Variants in CACNA1C observed in about 807,000 individuals in gnomAD.
CACNA1C encodes the protein voltage-dependent L-type calcium channel subunit alpha-1C.
A neutral mutation model predicts 229.0 loss-of-function variants in CACNA1C; 30 were observed. The observed-to-expected ratio is 0.13, with a 90% confidence interval of 0.10 to 0.18. CACNA1C has a LOEUF of 0.18. CACNA1C is among the 10% of genes least tolerant of loss of function. CACNA1C has a pLI of 1.00. For synonymous variants in CACNA1C, 1,114 were observed against 1,132.5 expected (o/e 0.98, Z 0.33); for missense variants, 1,658 against 2,845.0 (o/e 0.58, Z 9.49).
At position 2,364,088 on chromosome 12, in the gene CACNA1C, CAGACCAGCCCCA is replaced by C. The variant is rs574487287; in HGVS notation, c.478-84885_478-84874del. On this transcript the variant is annotated intron_variant, in intron 3 of 46. Transcript: ENST00000399655. ...AACTCATCAGTCAGCATCCCAGCCC[CAGACCAGCCCCA>C]AGGTCCACTGCATCTGATGTGAGTC... Among the ~76,000 whole-genome samples the C allele has an allele frequency of 7.0e-3, 1,065 of 152,330 alleles. 6 individuals carry two copies. The highest frequency in any genetic ancestry group is 0.012 in the South Asian group (56 of 4,822).
chr12:2,554,006 C>A (rs2042733493), intron 10 of CACNA1C, among the ~76,000 whole-genome samples: 1 of 152,096 alleles, frequency 6.6e-6, no homozygotes, highest in Non-Finnish European at 1.5e-5. Flanking sequence ...GACTGCAGTG[C>A]CATCTGACTT....
At chr12:2,627,182 A>T (rs1449946167) in intron 29 of CACNA1C, among the ~76,000 whole-genome samples, 3 of 152,078 alleles carry the variant, frequency 2.0e-5, no homozygotes, top group Admixed American at 1.3e-4. Flanking sequence ...CTGAATTAAC[A>T]CATCACAGGA....
chr12:2,107,155 G>T (rs1256435843), intron 1 of CACNA1C, among the ~76,000 whole-genome samples: 1 of 147,048 alleles, frequency 6.8e-6, no homozygotes, highest in East Asian at 2.1e-4. Context: ...CTCAGCTGGG[G>T]TGTCCTGAAG....
In CACNA1C at chr12:2,177,587, C is replaced by CCCTCCTTCCTTCCTT. The variant is rs750852324; in HGVS notation, c.477+57160_477+57161insCCTTCCTTCCTTCCT. Among the ~76,000 whole-genome samples, 13 of 78,524 alleles carry CCCTCCTTCCTTCCTT rather than the reference C, an allele frequency of 1.7e-4. 2 individuals carry two copies. In the East Asian group the frequency reaches 4.0e-3, roughly 24 times the overall value. The allele number at this position is 78,524 out of a possible 152,430, so 51.5% of individuals were successfully genotyped here. A position where few individuals can be genotyped will look rare whatever the true frequency, so the allele number is the denominator to read the frequency against. ...TCCCTCCCTCCCTCCCTCCCTCCCT[C>CCCTCCTTCCTTCCTT]CCTTCCTTCCTTCCTTCCTTCCTTC... On this transcript the variant is annotated intron_variant, in intron 3 of 46. Coordinates refer to ENST00000399655, the MANE Select transcript of CACNA1C (RefSeq NM_000719.7).
At chr12:2,551,766 A>G (rs1467359790) in intron 10 of CACNA1C, among the ~76,000 whole-genome samples, 1 of 152,166 alleles carries the variant, frequency 6.6e-6, no homozygotes, top group Non-Finnish European at 1.5e-5. Flanking sequence ...GGAGGAAGGA[A>G]CTACGGCATG....
At chr12:2,565,279 T>G (rs529171852) in intron 11 of CACNA1C, among the ~76,000 whole-genome samples, 1 of 151,162 alleles carries the variant, frequency 6.6e-6, no homozygotes, top group Admixed American at 6.6e-5. Flanking sequence ...CCATCCTGGC[T>G]AACAAGGTGA....
Position 1,971,097 on chromosome 12 carries a change from C to T in CACNA1C, c.35C>T (p.Ala12Val), listed in dbSNP as rs1196080579. 2.3e-6 allele frequency: 3 copies of T among 1,289,544 alleles called. No individual in the cohort carries two copies. The Admixed American group carries it at 6.9e-5, about 30-fold the overall frequency. The allele number at this position is 1,289,544 out of a possible 1,614,324, so 79.9% of individuals were successfully genotyped here. A position where few individuals can be genotyped will look rare whatever the true frequency, so the allele number is the denominator to read the frequency against. ...GCCTTTGTTCAGCCTGGTACGCCTGCATACCAGCCGCTTCCCAGCCACCTG... is the reference window on the plus strand; with the variant it reads ...GCCTTTGTTCAGCCTGGTACGCCTGTATACCAGCCGCTTCCCAGCCACCTG... The change falls in exon 1 of 47, where the codon GCA (alanine) becomes GTA (valine). Residue 12 changes from alanine (A) to valine (V), a missense_variant. Ala to Val is a moderately conservative substitution (Grantham distance 64, BLOSUM62 0). Coordinates refer to the CACNA1C transcript ENST00000682462. The surrounding 1 kb of genome is among the most constrained non-coding windows in gnomAD (Gnocchi z 4.2).
chr12:2,482,192 CG>C (rs1285075346), intron 5 of CACNA1C, among the ~76,000 whole-genome samples: 2 of 152,232 alleles, frequency 1.3e-5, no homozygotes, highest in African/African-American at 4.8e-5. Context: ...CAGATGGAAG[CG>C]AGAGCCTTTC....
intron 3 of CACNA1C, among the ~76,000 whole-genome samples, chr12:2,407,996 G>T (rs1223872626): frequency 6.6e-6 from 1 of 152,198 alleles, no homozygotes; most frequent in Admixed American, 6.5e-5. Context: ...GAACCTCAAC[G>T]TCCATCCTCA....
intron 3 of CACNA1C, among the ~76,000 whole-genome samples, chr12:2,259,571 G>A (rs796372257): frequency 1.3e-5 from 2 of 152,342 alleles, no homozygotes; most frequent in African/African-American, 4.8e-5. Flanking sequence ...CTTTTGACAG[G>A]AGGAAGTGGT....
intron 3 of CACNA1C, among the ~76,000 whole-genome samples, chr12:2,159,853 C>T (rs2095757245): frequency 6.6e-6 from 1 of 152,206 alleles, no homozygotes; most frequent in Non-Finnish European, 1.5e-5. Context: ...ATCTGCCCGC[C>T]TCGGCCTCCC....
chr12:2,370,864 C>T (rs1391898300), intron 3 of CACNA1C, among the ~76,000 whole-genome samples: 1 of 152,150 alleles, frequency 6.6e-6, no homozygotes, highest in Non-Finnish European at 1.5e-5. Flanking sequence ...TGGTGGCAGT[C>T]TGCGGTGTCC....
rs36202591 is a variant in CACNA1C at position 2,124,109 on chromosome 12, CGTGTGTGTGTGTGTGT to C, written c.477+3705_477+3720del. On this transcript the variant is annotated intron_variant, in intron 3 of 46. Coordinates refer to ENST00000399655, the MANE Select transcript of CACNA1C (RefSeq NM_000719.7). The stretch of plus-strand genomic sequence containing the variant: ...GGTCTCTCCTTCCACTGGTCTAGCT[CGTGTGTGTGTGTGTGT>C]GTGTGTGTGTGTGTGTGTGTGTGTG... Among the ~76,000 whole-genome samples, 9 of 145,622 alleles carry C rather than the reference CGTGTGTGTGTGTGTGT, an allele frequency of 6.2e-5. 1 individual carries two copies. The highest frequency in any genetic ancestry group is 1.3e-4 in the African/African-American group (5 of 39,100).
chr12:2,256,090 C>CTAT (rs142296568), intron 3 of CACNA1C, among the ~76,000 whole-genome samples: 9 of 34,882 alleles, frequency 2.6e-4, no homozygotes, highest in Admixed American at 5.9e-4. Context: ...TACAATCACA[C>CTAT]CTCCTGTTTC....
rs2053307121 is a variant in CACNA1C, at chr12:2,053,867, T to C, written c.49+256T>C. On this transcript the variant is annotated intron_variant, in intron 1 of 46. Coordinates refer to ENST00000399655, the MANE Select transcript of CACNA1C (RefSeq NM_000719.7). The surrounding 1 kb of genome is among the most constrained non-coding windows in gnomAD (Gnocchi z 5.8). ...GCTTCTCCAGAGCATGTGTTTCCTG[T>C]GAAATTCCAGGCGAGGGGGGAAAAG... 6.7e-5 allele frequency among the ~76,000 whole-genome samples: 10 copies of C among 148,582 alleles called. No homozygotes were observed. The South Asian group carries it at 2.1e-3, about 31-fold the overall frequency.
chr12:2,621,663 G>A (rs1021353103), intron 29 of CACNA1C, among the ~76,000 whole-genome samples: 2 of 152,232 alleles, frequency 1.3e-5, no homozygotes, highest in African/African-American at 4.8e-5. Context: ...CAGTGGAAGA[G>A]ATGGAGCGAG....
At chr12:2,205,261 G>A (rs920731386) in intron 3 of CACNA1C, among the ~76,000 whole-genome samples, 2 of 152,212 alleles carry the variant, frequency 1.3e-5, no homozygotes, top group Admixed American at 1.3e-4. Flanking sequence ...GAGGTGCAGC[G>A]TGACCTGAAC....
rs187934459 is a variant in CACNA1C at position 2,551,924 on chromosome 12, A to G, written c.1481+1891A>G. Among the ~76,000 whole-genome samples the G allele has an allele frequency of 3.9e-5, 6 of 152,284 alleles. No individual in the cohort carries two copies. In the East Asian group the frequency reaches 9.7e-4, roughly 24 times the overall value. Reference sequence around the variant, plus strand: ...GCGGGTGTCATGGAGACCACGAGATACGGAGGCCCGAAACTCAGCCCTGAA... The same window carrying G: ...GCGGGTGTCATGGAGACCACGAGATGCGGAGGCCCGAAACTCAGCCCTGAA... On this transcript the variant is annotated intron_variant, in intron 10 of 46. Transcript: ENST00000399655.
intron 1 of CACNA1C, among the ~76,000 whole-genome samples, chr12:2,101,595 A>T: frequency 6.6e-6 from 1 of 152,148 alleles, no homozygotes; most frequent in South Asian, 2.1e-4. Flanking sequence ...TGCAGGGACC[A>T]CTGTGCCATC....
Sources: allele counts gnomAD v4.1 joint callset (sites outside exome capture counted in the v4.1 genomes callset), GRCh38; gene constraint gnomAD v4.1.1; non-coding constraint Gnocchi (gnomAD v3.1); transcripts MANE v1.5; gene names NCBI Gene and HGNC (gene_info 2026-07-23, HGNC 2026-07-21).